The following YEATS4 variants were observed in gnomAD, a reference collection of about 807,000 sequenced individuals.
The protein encoded by YEATS4 is YEATS domain containing 4, also known as YEATS domain-containing protein 4.
Under a neutral mutation model 30.1 loss-of-function variants are expected in YEATS4, and 17 were observed. The ratio of observed to expected loss-of-function variants is 0.56; its 90% CI spans 0.39 to 0.85. The LOEUF is 0.85. Ranked by LOEUF, YEATS4 falls within the 40% of genes least tolerant of loss-of-function variation. The probability of loss-of-function intolerance (pLI) is 0.00; values close to 1 mark genes in which losing one functional copy is unlikely to be tolerated. For synonymous variants in YEATS4, 85 were observed against 87.5 expected (o/e 0.97, Z 0.16); for missense variants, 142 against 268.3 (o/e 0.53, Z 3.29).
chr12:69,374,453 G>A (rs948661443), intron 6 of YEATS4, among the ~76,000 whole-genome samples: 3 of 151,446 alleles, frequency 2.0e-5, no homozygotes, highest in African/African-American at 4.9e-5. Context: ...GGTGTTTCTC[G>A]GAGAGGGGGA....
chr12:69,397,302 A>G, the YEATS4 span, among the ~76,000 whole-genome samples: 1 of 152,202 alleles, frequency 6.6e-6, no homozygotes, highest in South Asian at 2.1e-4. Flanking sequence ...AGATAGTGTC[A>G]AAGAAGTAAT....
At chr12:69,387,738 C>A (rs1200882085) in intron 6 of YEATS4, among the ~76,000 whole-genome samples, 1 of 152,146 alleles carries the variant, frequency 6.6e-6, no homozygotes, top group African/African-American at 2.4e-5. Context: ...TGGGTATATG[C>A]TTTGTATATC....
chr12:69,367,674 A>T (rs1237295240), intron 4 of YEATS4, among the ~76,000 whole-genome samples: 1 of 152,194 alleles, frequency 6.6e-6, no homozygotes, highest in Non-Finnish European at 1.5e-5. Context: ...TCAAGAAATT[A>T]TTAAATATTA....
At chr12:69,400,835 A>T in the YEATS4 span, 24 of 152,328 alleles carry the variant, frequency 1.6e-4, no homozygotes, top group African/African-American at 5.5e-4. Flanking sequence ...GGAACTTGGT[A>T]CTCATACATT....
the YEATS4 span, among the ~76,000 whole-genome samples, chr12:69,400,480 T>A: frequency 6.6e-6 from 1 of 151,856 alleles, no homozygotes; most frequent in South Asian, 2.1e-4. Context: ...AAAAATTCAA[T>A]AGAAAAATGG....
At chr12:69,367,090 G>A (rs1198398004) in intron 4 of YEATS4, among the ~76,000 whole-genome samples, 1 of 152,044 alleles carries the variant, frequency 6.6e-6, no homozygotes, top group East Asian at 1.9e-4. Flanking sequence ...ATCTAGTTTG[G>A]GCTTGCATAT....
At chr12:69,365,581 T>C in intron 2 of YEATS4, 52 bp from the exon 3 acceptor site, 4 of 1,316,898 alleles carry the variant, frequency 3.0e-6, no homozygotes, top group Non-Finnish European at 4.3e-6. Context: ...TGTATTTTTT[T>C]TCCTAGTTTT....
the YEATS4 span, among the ~76,000 whole-genome samples, chr12:69,411,217 C>T: frequency 6.6e-6 from 1 of 152,186 alleles, no homozygotes; most frequent in Non-Finnish European, 1.5e-5. Context: ...GCAGCCTTGA[C>T]CTCTCTGGCT....
At chr12:69,394,839 C>G (rs1323463489), downstream of YEATS4, among the ~76,000 whole-genome samples, 1 of 152,124 alleles carries the variant, frequency 6.6e-6, no homozygotes, top group Non-Finnish European at 1.5e-5. Context: ...ACCTTGGCCT[C>G]CCAAAATGCT....
rs1414815129 is a variant in YEATS4 at position 69,365,554 on chromosome 12, T to C, written c.172-79T>C. On this transcript the variant is annotated intron_variant, in intron 2 of 6. Coordinates refer to ENST00000247843, the MANE Select transcript of YEATS4 (RefSeq NM_006530.4). ...AAGGGAAGTATGTTTTTTATAAAAC[T>C]AAGTATATACGCTCAGTGTATTTTT... 6 of 956,760 alleles carry C rather than the reference T, an allele frequency of 6.3e-6. No individual in the cohort carries two copies. In the African/African-American group the frequency reaches 1.0e-4, roughly 16 times the overall value. The allele number at this position is 956,760 out of a possible 1,614,324, so 59.3% of individuals were successfully genotyped here.
At position 69,372,816 on chromosome 12, in the gene YEATS4, G is replaced by A. The variant is rs150463591; in HGVS notation, c.514+1841G>A. Among the ~76,000 whole-genome samples the A allele has an allele frequency of 4.8e-3, 734 of 152,152 alleles. 3 individuals are homozygous for A. Among genetic ancestry groups the A allele is most frequent in the African/African-American group, 0.017 (704 of 41,502 alleles). On this transcript the variant is annotated intron_variant, in intron 6 of 6. Transcript: ENST00000247843. ...GCCTCCCAAAGTGCTAGGATTATAG[G>A]CATGAGCCACCACACCCAGCCTAGT...
intron 6 of YEATS4, among the ~76,000 whole-genome samples, chr12:69,385,839 C>T (rs968770429): frequency 6.6e-6 from 1 of 152,092 alleles, no homozygotes; most frequent in Non-Finnish European, 1.5e-5. Flanking sequence ...TCTAAAATAA[C>T]CCTAGGAGGA....
intron 1 of YEATS4, among the ~76,000 whole-genome samples, chr12:69,360,658 G>A (rs1195458341): frequency 1.4e-5 from 2 of 140,888 alleles, no homozygotes; most frequent in Non-Finnish European, 3.1e-5. Flanking sequence ...CACAGCCCCT[G>A]GCACGTTAAT....
At chr12:69,404,630 C>T in the YEATS4 span, among the ~76,000 whole-genome samples, 4 of 152,192 alleles carry the variant, frequency 2.6e-5, no homozygotes, top group Admixed American at 2.6e-4. Flanking sequence ...TCCCAGCCTC[C>T]AGAACCATGA....
downstream of YEATS4, among the ~76,000 whole-genome samples, chr12:69,391,119 C>T (rs552904971): frequency 6.6e-6 from 1 of 152,170 alleles, no homozygotes; most frequent in Admixed American, 6.5e-5. Flanking sequence ...CATGGTAAAA[C>T]CCCATCTCTA....
the YEATS4 span, among the ~76,000 whole-genome samples, chr12:69,418,748 C>T: frequency 1.3e-5 from 2 of 151,982 alleles, no homozygotes; most frequent in Non-Finnish European, 2.9e-5. Flanking sequence ...GCTAATCCTT[C>T]AACTTTGCTA....
the YEATS4 span, among the ~76,000 whole-genome samples, chr12:69,398,312 C>A: frequency 3.3e-5 from 5 of 151,788 alleles, no homozygotes; most frequent in Admixed American, 3.3e-4. Context: ...AAGGAATACA[C>A]ACACACACAC....
At position 69,365,804 on chromosome 12, in the gene YEATS4, C is replaced by T. The variant is rs947117458; in HGVS notation, c.253C>T (p.Pro85Ser). The change falls in exon 4 of 7, where the codon CCA becomes TCA. Residue 85 changes from proline to serine, a missense_variant. Physicochemically the swap from Pro to Ser is moderately conservative, Grantham distance 74. This residue lies in a region of YEATS4 where 64 missense variants were observed against 164.0 expected (regional missense o/e 0.39). Coordinates refer to ENST00000247843, the MANE Select transcript of YEATS4 (RefSeq NM_006530.4). ...TCTGTCTTTAGTTGTTACTAAACCT[C>T]CATATGAAATTACTGAAACAGGATG... Reference protein sequence around the residue: ...GNPLRVVTKPPYEITETGWGE... With the variant: ...GNPLRVVTKPSYEITETGWGE... The T allele has an allele frequency of 1.9e-6, 3 of 1,608,998 alleles. No individual in the cohort carries two copies. The highest frequency in any genetic ancestry group is 2.5e-6 in the Non-Finnish European group (3 of 1,178,220).
intron 6 of YEATS4, among the ~76,000 whole-genome samples, chr12:69,377,434 A>G (rs1206486491): frequency 1.4e-5 from 2 of 141,708 alleles, no homozygotes; most frequent in Non-Finnish European, 3.0e-5. Context: ...CTTTCTTTCT[A>G]ACTTTTTTGG....
Sources: gnomAD v4.1 joint callset for allele counts (sites outside exome capture counted in the v4.1 genomes callset) on GRCh38, gnomAD v4.1.1 for gene constraint, gnomAD v4.1.1 regional missense constraint, MANE v1.5 for transcripts, NCBI Gene and HGNC (gene_info 2026-07-23, HGNC 2026-07-21) for gene names.